CDV3: variants seen among roughly 807,000 people sequenced by gnomAD.
The protein encoded by CDV3 is CDV3 homolog.
Under a neutral mutation model 24.5 loss-of-function variants are expected in CDV3, and 14 were observed. The observed-to-expected ratio is 0.57, with a 90% confidence interval of 0.38 to 0.89. CDV3 has a LOEUF of 0.89. Among genes scored for constraint, CDV3 ranks in the 40% least tolerant of loss-of-function variants. The probability of loss-of-function intolerance (pLI) is 0.00; values close to 1 mark genes in which losing one functional copy is unlikely to be tolerated. For missense variants in CDV3, 304 were observed against 310.2 expected, an observed-to-expected ratio of 0.98 and a Z score of 0.15; for synonymous variants, 114 against 114.1, an observed-to-expected ratio of 1.00 and a Z score of 0.00.
intron 4 of CDV3, 119 bp from the exon 5 acceptor site, chr3:133,587,777 A>T: frequency 2.0e-6 from 3 of 1,466,152 alleles, no homozygotes; most frequent in Non-Finnish European, 2.7e-6. Context: ...ATATGCCTCC[A>T]CTCCTACCCC....
chr3:133,588,366 A>G lies in CDV3; in HGVS notation c.*320A>G, dbSNP rs1933819554. The stretch of plus-strand genomic sequence containing the variant: ...TTTTATGTTCAGATACTGAGCCTTC[A>G]TAAGGGTTGACTACCTCAGATTTGC... On this transcript the variant is annotated 3_prime_UTR_variant, in exon 5 of 5. Transcript: ENST00000264993. 6.5e-7 allele frequency: 1 copy of G among 1,536,064 alleles called. No individual in the cohort carries two copies. Among genetic ancestry groups the G allele is most frequent in the Non-Finnish European group, 8.7e-7 (1 of 1,146,828 alleles).
chr3:133,584,305 A>G (rs1933367168), intron 3 of CDV3, among the ~76,000 whole-genome samples, 155 bp downstream of exon 3: 1 of 152,216 alleles, frequency 6.6e-6, no homozygotes, highest in South Asian at 2.1e-4. Flanking sequence ...CTTGTTAAAG[A>G]CTTTAAAATC....
intron 3 of CDV3, among the ~76,000 whole-genome samples, chr3:133,585,491 T>G (rs990639794): frequency 6.7e-6 from 1 of 148,662 alleles, no homozygotes; most frequent in African/African-American, 2.6e-5. Flanking sequence ...AGAATCTTTT[T>G]TTCTTTTTCT....
At chr3:133,574,656 G>C (rs937735451) in intron 1 of CDV3, 15 of 1,028,532 alleles carry the variant, frequency 1.5e-5, no homozygotes, top group Non-Finnish European at 1.3e-5. Flanking sequence ...CTGAATTTTC[G>C]CTTTCAGCAG....
chr3:133,584,859 A>G (rs1933422850), intron 3 of CDV3, among the ~76,000 whole-genome samples: 1 of 152,190 alleles, frequency 6.6e-6, no homozygotes. Flanking sequence ...AGTATATCGC[A>G]GTATTAAAAT....
Position 133,588,488 on chromosome 3 carries a change from T to G in CDV3, c.*442T>G. The G allele has an allele frequency of 1.0e-6, 1 of 967,964 alleles. No individual in the cohort carries two copies. Among genetic ancestry groups the G allele is most frequent in the Non-Finnish European group, 1.5e-6 (1 of 646,748 alleles). The allele number at this position is 967,964 out of a possible 1,614,324, so 60.0% of individuals were successfully genotyped here. A position where few individuals can be genotyped will look rare whatever the true frequency, so the allele number is the denominator to read the frequency against. On this transcript the variant is annotated 3_prime_UTR_variant, in exon 5 of 5. Transcript: ENST00000264993. Reference sequence around the variant, plus strand: ...GAACCTTGCAACCAGCTCTACTGGATTCTTATCAGAAATCCTGCATAAAAA... The same window carrying G: ...GAACCTTGCAACCAGCTCTACTGGAGTCTTATCAGAAATCCTGCATAAAAA...
At chr3:133,574,948 CA>C in intron 1 of CDV3, 90 bp from the exon 2 acceptor site, 1 of 876,118 alleles carries the variant, frequency 1.1e-6, no homozygotes, top group South Asian at 1.5e-5. Flanking sequence ...GTTTAGGTTC[CA>C]GCCACTTGAT....
rs1414656215 is a variant in CDV3 at position 133,589,970 on chromosome 3, TTTG to T, written c.*1928_*1930del. On this transcript the variant is annotated 3_prime_UTR_variant, in exon 5 of 5. Transcript: ENST00000264993. ...TCCCTGCATTTTTTCCCAACAAAAT[TTTG>T]TTGGGGGTTATGTTACTGAAGAATG... 1 of 152,166 alleles carries T rather than the reference TTTG, an allele frequency of 6.6e-6. No individual in the cohort carries two copies. The highest frequency in any genetic ancestry group is 2.4e-5 in the African/African-American group (1 of 41,432). 9.4% of individuals were successfully genotyped at this position (152,166 alleles called of 1,614,324 possible). A position where few individuals can be genotyped will look rare whatever the true frequency, so the allele number is the denominator to read the frequency against.
At chr3:133,578,923 A>G (rs1459089070) in intron 2 of CDV3, among the ~76,000 whole-genome samples, 2 of 152,220 alleles carry the variant, frequency 1.3e-5, no homozygotes, top group Non-Finnish European at 2.9e-5. Flanking sequence ...TGATCCTATC[A>G]GCCTTACTAA....
At chr3:133,580,532 G>A (rs894823463) in intron 2 of CDV3, among the ~76,000 whole-genome samples, 1 of 151,988 alleles carries the variant, frequency 6.6e-6, no homozygotes. Flanking sequence ...GTGAAACCCC[G>A]TCTCTACTAA....
intron 3 of CDV3, among the ~76,000 whole-genome samples, chr3:133,585,065 A>G (rs1318110550): frequency 6.6e-6 from 1 of 152,104 alleles, no homozygotes; most frequent in Non-Finnish European, 1.5e-5. Context: ...TTTTATTTTT[A>G]TATTTTTTAG....
rs1278671806 is a variant in CDV3, at chr3:133,590,252, A to AAT, written c.*2211_*2212dup. 1 of 152,188 alleles carries AAT rather than the reference A, an allele frequency of 6.6e-6. No individual in the cohort carries two copies. Among genetic ancestry groups the AAT allele is most frequent in the Non-Finnish European group, 1.5e-5 (1 of 68,048 alleles). 9.4% of individuals were successfully genotyped at this position (152,188 alleles called of 1,614,324 possible). The stretch of plus-strand genomic sequence containing the variant: ...ACATTAACAAATTCAATAAAAAGTA[A>AAT]ATATATGGATTTTGGACTGTAATGG... On this transcript the variant is annotated 3_prime_UTR_variant, in exon 5 of 5. Coordinates refer to ENST00000264993, the MANE Select transcript of CDV3 (RefSeq NM_017548.5).
chr3:133,577,931 G>A (rs2074876247), intron 2 of CDV3, among the ~76,000 whole-genome samples: 1 of 152,156 alleles, frequency 6.6e-6, no homozygotes, highest in Non-Finnish European at 1.5e-5. Context: ...TGGTTATAAA[G>A]GAGGCTGTCA....
At chr3:133,574,605 C>G (rs908504573) in intron 1 of CDV3, 2 of 1,002,420 alleles carry the variant, frequency 2.0e-6, no homozygotes, top group South Asian at 4.0e-5. Flanking sequence ...GACGTCTAGG[C>G]TGAGTAATTC....
At chr3:133,586,812 G>C in intron 4 of CDV3, 90 bp downstream of exon 4, 1 of 755,790 alleles carries the variant, frequency 1.3e-6, no homozygotes, top group Non-Finnish European at 2.3e-6. Context: ...CCACCCAAGG[G>C]AGAGACTACT....
intron 2 of CDV3, among the ~76,000 whole-genome samples, chr3:133,578,375 C>T (rs2074895935): frequency 1.3e-5 from 2 of 152,160 alleles, no homozygotes; most frequent in East Asian, 1.9e-4. Flanking sequence ...TAATTGAGTT[C>T]TTGGAGCCCA....
intron 2 of CDV3, 146 bp downstream of exon 2, chr3:133,575,261 T>C (rs1248544701): frequency 7.3e-6 from 4 of 544,774 alleles, no homozygotes; most frequent in East Asian, 3.1e-5. Flanking sequence ...CTGTCTACTC[T>C]TTCTCACTCC....
At chr3:133,582,287 G>T (rs1307301252) in intron 2 of CDV3, among the ~76,000 whole-genome samples, 8 of 152,088 alleles carry the variant, frequency 5.3e-5, no homozygotes, top group Non-Finnish European at 8.8e-5. Flanking sequence ...CTCCCAAGTA[G>T]CTAACCGGCA....
intron 2 of CDV3, among the ~76,000 whole-genome samples, chr3:133,583,208 A>G (rs527481324): frequency 1.3e-5 from 2 of 152,324 alleles, no homozygotes; most frequent in African/African-American, 4.8e-5. Context: ...GTTAGGGGCT[A>G]ATTCTATCCT....
Sources: gnomAD v4.1 joint callset for allele counts (sites outside exome capture counted in the v4.1 genomes callset) on GRCh38, gnomAD v4.1.1 for gene constraint, MANE v1.5 for transcripts, NCBI Gene and HGNC (gene_info 2026-07-23, HGNC 2026-07-21) for gene names.